Variants in ATM observed in about 807,000 individuals in gnomAD.
The protein encoded by ATM is serine-protein kinase ATM.
ATM carries 308 observed loss-of-function variants against 387.0 expected under a neutral mutation model. The ratio of observed to expected loss-of-function variants is 0.80; its 90% CI spans 0.73 to 0.87. The LOEUF is 0.87. Among genes scored for constraint, ATM ranks in the 40% least tolerant of loss-of-function variants. ATM has a pLI of 0.00. For synonymous variants in ATM, 1,156 were observed against 1,187.3 expected (o/e 0.97, Z 0.54); for missense variants, 3,312 against 3,560.9 (o/e 0.93, Z 1.78).
At chr11:108,258,397 A>G (rs929870310) in intron 15 of ATM, among the ~76,000 whole-genome samples, 3 of 152,238 alleles carry the variant, frequency 2.0e-5, no homozygotes, top group Non-Finnish European at 2.9e-5. Context: ...CATTCATTTA[A>G]TAAAAATTTT....
At chr11:108,314,096 C>G (rs1367282631) in intron 40 of ATM, among the ~76,000 whole-genome samples, 2 of 152,062 alleles carry the variant, frequency 1.3e-5, no homozygotes. Flanking sequence ...CTTTGTAGGA[C>G]TGTATTTTCT....
chr11:108,289,080 T>C lies in ATM; in HGVS notation c.4213T>C (p.Leu1405=). The C allele has an allele frequency of 1.2e-6, 2 of 1,610,832 alleles. No homozygotes were observed. Among genetic ancestry groups the C allele is most frequent in the Non-Finnish European group, 1.7e-6 (2 of 1,177,316 alleles). ...TCATAAAACCAAGTTAAAAAGCATT[T>C]TAGAAATTCTTTCCAAAAGCCCTGT... The part of the protein sequence containing the change: ...NCHKTKLKSI[L]EILSKSPDSY... The change falls in exon 28 of 63, where the codon TTA becomes CTA. Residue 1405 remains leucine, a synonymous_variant. Transcript: ENST00000675843.
rs147187700 is a variant in ATM at position 108,310,218 on chromosome 11, G to C, written c.5821G>C (p.Val1941Leu). The C allele has an allele frequency of 2.5e-4, 410 of 1,613,470 alleles. No homozygotes were observed. Among genetic ancestry groups the C allele is most frequent in the Non-Finnish European group, 3.2e-4 (382 of 1,179,748 alleles). Residue 1941 changes from valine to leucine, a missense_variant, in exon 39 of 63, where the codon GTT becomes CTT. By Grantham distance (32) the Val-to-Leu change is conservative. Transcript: ENST00000675843. The part of the protein sequence containing the change: ...AFWLDLNYLE[V>L]AKVAQSCAAH... Reference sequence around the variant, plus strand: ...CTGGCTGGATTTAAATTATCTAGAAGTTGCCAAGGTAGCTCAGTCTTGTGC... The same window carrying C: ...CTGGCTGGATTTAAATTATCTAGAACTTGCCAAGGTAGCTCAGTCTTGTGC...
intron 8 of ATM, among the ~76,000 whole-genome samples, chr11:108,247,685 T>C (rs1214400940): frequency 6.6e-6 from 1 of 152,168 alleles, no homozygotes; most frequent in Non-Finnish European, 1.5e-5. Context: ...AACCTCCCTT[T>C]CCCGGGTTCA....
At chr11:108,362,359 A>G (rs2090870534) in intron 61 of ATM, among the ~76,000 whole-genome samples, 2 of 151,546 alleles carry the variant, frequency 1.3e-5, no homozygotes. Context: ...TGGGACTGTA[A>G]ACTAGTTCAA....
chr11:108,321,153 C>A, intron 44 of ATM, 148 bp from the exon 45 acceptor site: 1 of 1,046,700 alleles, frequency 9.6e-7, no homozygotes, highest in Non-Finnish European at 1.4e-6. Context: ...TTTGTTTCCA[C>A]TGCTATTTTG....
intron 29 of ATM, among the ~76,000 whole-genome samples, chr11:108,291,299 T>C (rs2082782909): frequency 1.3e-5 from 2 of 152,242 alleles, no homozygotes; most frequent in African/African-American, 4.8e-5. Context: ...GCATCTCTGA[T>C]CTTTTCCATT....
At chr11:108,233,058 C>T (rs1305498385) in intron 4 of ATM, among the ~76,000 whole-genome samples, 4 of 151,992 alleles carry the variant, frequency 2.6e-5, no homozygotes, top group African/African-American at 9.7e-5. Flanking sequence ...GACGGGGTTT[C>T]ACCACATTGG....
At chr11:108,317,159 A>G (rs1298424066) in intron 42 of ATM, among the ~76,000 whole-genome samples, 1 of 151,482 alleles carries the variant, frequency 6.6e-6, no homozygotes, top group Non-Finnish European at 1.5e-5. Flanking sequence ...GGCTGGTCTC[A>G]AACTCCTGGG....
intron 18 of ATM, among the ~76,000 whole-genome samples, chr11:108,270,799 G>A (rs771780344): frequency 2.0e-5 from 3 of 152,138 alleles, no homozygotes; most frequent in African/African-American, 7.2e-5. Context: ...AGGTTCAAGC[G>A]ATTCTCCTGC....
intron 6 of ATM, 38 bp from the exon 7 acceptor site, chr11:108,244,750 C>G (rs756586152): frequency 1.5e-5 from 23 of 1,488,704 alleles, no homozygotes; most frequent in Non-Finnish European, 2.2e-5. Flanking sequence ...GTTTGTTCCC[C>G]CTGTTATACC....
At position 108,366,364 on chromosome 11, in the gene ATM, T is replaced by G. The variant is rs1195287244; in HGVS notation, c.*856T>G. The G allele has an allele frequency of 4.6e-6, 1 of 215,310 alleles. No homozygotes were observed. The highest frequency in any genetic ancestry group is 9.4e-6 in the Non-Finnish European group (1 of 106,822). The allele number at this position is 215,310 out of a possible 1,614,324, so 13.3% of individuals were successfully genotyped here. On this transcript the variant is annotated 3_prime_UTR_variant, in exon 63 of 63. Coordinates refer to ENST00000675843, the MANE Select transcript of ATM (RefSeq NM_000051.4). ...TTCATTTCTAATTATGCATCATTTT[T>G]CAGATCTCTGTTTCTTGATGTCATT... is the stretch of plus-strand genomic sequence containing the variant.
rs763287238 is a variant in ATM, at chr11:108,326,230, GT to G, written c.6975+13del. The G allele has an allele frequency of 7.4e-6, 12 of 1,610,744 alleles. No individual in the cohort carries two copies. The highest frequency in any genetic ancestry group is 6.7e-5 in the African/African-American group (5 of 74,814). Reference sequence around the variant, plus strand: ...TTGGATGCCAGCTGTGCAGCGGTTTGTTTTTTTTATTGGCTGGATTAGTGTT... The same window carrying G: ...TTGGATGCCAGCTGTGCAGCGGTTTGTTTTTTTATTGGCTGGATTAGTGTT... On this transcript the variant is annotated splice_donor_region_variant and intron_variant, in intron 47 of 62. Coordinates refer to ENST00000675843, the MANE Select transcript of ATM (RefSeq NM_000051.4).
chr11:108,251,652 A>G (rs2080153084), intron 10 of ATM, among the ~76,000 whole-genome samples, 185 bp from the exon 11 acceptor site: 1 of 152,220 alleles, frequency 6.6e-6, no homozygotes, highest in African/African-American at 2.4e-5. Context: ...TTGTAGTACT[A>G]TGCACTGTTA....
intron 16 of ATM, among the ~76,000 whole-genome samples, chr11:108,259,668 C>T (rs796920556): frequency 5.3e-5 from 8 of 152,168 alleles, no homozygotes; most frequent in East Asian, 1.9e-4. Context: ...GCTATATCTG[C>T]GCAACATTGT....
chr11:108,258,913 A>G, intron 15 of ATM, 73 bp from the exon 16 acceptor site: 3 of 1,242,446 alleles, frequency 2.4e-6, no homozygotes, highest in Non-Finnish European at 1.2e-6. Context: ...TTCAAGATAG[A>G]GAAAACACTG....
Position 108,250,946 on chromosome 11 carries a change from G to A in ATM, c.1481G>A (p.Gly494Asp), listed in dbSNP as rs786202233. 2.5e-6 allele frequency: 4 copies of A among 1,614,102 alleles called. No homozygotes were observed. The East Asian group carries it at 8.9e-5, about 36-fold the overall frequency. ...WNKIWCITFR[G>D]ISSEQIQAEN... ...AAAATTTGGTGTATTACCTTTCGTGGTATAAGTTCTGAGCAAATACAAGCT... is the reference window on the plus strand; with the variant it reads ...AAAATTTGGTGTATTACCTTTCGTGATATAAGTTCTGAGCAAATACAAGCT... The change falls in exon 10 of 63, where the codon GGT (glycine) becomes GAT (aspartate). Residue 494 changes from glycine (G) to aspartate (D), a missense_variant. By Grantham distance (94) the Gly-to-Asp change is moderately conservative. Around this residue, in one of 4 missense-constraint regions of ATM, gnomAD observed 1,791 missense variants for 1,804.5 expected, o/e 0.99. Transcript: ENST00000675843.
At chr11:108,296,619 A>G (rs1052049231) in intron 32 of ATM, among the ~76,000 whole-genome samples, 20 of 152,174 alleles carry the variant, frequency 1.3e-4, no homozygotes, top group African/African-American at 4.3e-4. Flanking sequence ...AGTTTTGACT[A>G]TCTGAGCATA....
At chr11:108,291,963 A>G (rs2082819437) in intron 29 of ATM, among the ~76,000 whole-genome samples, 1 of 152,158 alleles carries the variant, frequency 6.6e-6, no homozygotes, top group Non-Finnish European at 1.5e-5. Context: ...AGCTACTCCT[A>G]GGCTTTAGGC....
Sources: allele counts gnomAD v4.1 joint callset (sites outside exome capture counted in the v4.1 genomes callset), GRCh38; gene constraint gnomAD v4.1.1; regional missense constraint gnomAD v4.1.1; transcripts MANE v1.5; gene names NCBI Gene and HGNC (gene_info 2026-07-23, HGNC 2026-07-21).